Variants in BTD observed in about 807,000 individuals in gnomAD.
The protein encoded by BTD is biocytinase.
Under a neutral mutation model 17.7 loss-of-function variants are expected in BTD, and 13 were observed. That is an observed-to-expected ratio of 0.74 (90% CI 0.48 to 1.17). The LOEUF is 1.17. BTD is among the 50% of genes most tolerant of loss of function. The probability of loss-of-function intolerance (pLI) is 0.00; values close to 1 mark genes in which losing one functional copy is unlikely to be tolerated. For synonymous variants in BTD, 240 were observed against 245.2 expected (o/e 0.98, Z 0.20); for missense variants, 674 against 650.4 (o/e 1.04, Z -0.39).
downstream of BTD, among the ~76,000 whole-genome samples, chr3:15,716,997 T>A: frequency 6.6e-6 from 1 of 152,144 alleles, no homozygotes; most frequent in African/African-American, 2.4e-5. Context: ...CAAAACCAAA[T>A]CTACTTCATA....
intron 3 of BTD, chr3:15,684,894 TGGGA>T (rs942413083): frequency 1.2e-5 from 3 of 251,088 alleles, no homozygotes; most frequent in African/African-American, 6.9e-5. Flanking sequence ...GAGGCTGAGG[TGGGA>T]GGATCACTTG....
chr3:15,614,818 A>T (rs2125370194), intron 1 of BTD, among the ~76,000 whole-genome samples: 2 of 151,636 alleles, frequency 1.3e-5, no homozygotes. Context: ...GCTGGCCTCC[A>T]ACTCCTGGGC....
At position 15,660,409 on chromosome 3, in the gene BTD, G is replaced by A. The variant is rs114202045; in HGVS notation, c.399+18352G>A. ...AACTGACCTTTTCCACTTCTGATTCGACTCCAGACACAGGTCTAGTCTTGT... is the reference window on the plus strand; with the variant it reads ...AACTGACCTTTTCCACTTCTGATTCAACTCCAGACACAGGTCTAGTCTTGT... On this transcript the variant is annotated intron_variant, in intron 3 of 3. Coordinates refer to the BTD transcript ENST00000672141. Among the ~76,000 whole-genome samples the A allele has an allele frequency of 7.4e-3, 1,132 of 152,290 alleles. 21 individuals carry two copies. The highest frequency in any genetic ancestry group is 0.026 in the African/African-American group (1,063 of 41,556).
intron 4 of BTD, chr3:15,720,888 C>T (rs2124916806): frequency 2.5e-6 from 4 of 1,601,164 alleles, no homozygotes; most frequent in East Asian, 4.5e-5. Context: ...ATATGAAATA[C>T]TTATAGATTC....
chr3:15,650,954 G>C lies in BTD; in HGVS notation c.*5466G>C, dbSNP rs191416404. Among the ~76,000 whole-genome samples, 12 of 152,290 alleles carry C rather than the reference G, an allele frequency of 7.9e-5. No individual in the cohort carries two copies. The highest frequency in any genetic ancestry group is 1.6e-4 in the Non-Finnish European group (11 of 68,026). ...CCAGCTAATTTTTTGTATTTTTATA[G>C]AGACAGGGTTTCACCATGTTAGCCA... On this transcript the variant is annotated 3_prime_UTR_variant, in exon 4 of 4. Transcript: ENST00000643237.
Position 15,720,528 on chromosome 3 carries a change from T to C in BTD, c.1016-1242T>C, listed in dbSNP as rs73819144. 1.2e-3 allele frequency among the ~76,000 whole-genome samples: 190 copies of C among 152,316 alleles called. 2 individuals are homozygous for C. Among genetic ancestry groups the C allele is most frequent in the African/African-American group, 4.4e-3 (182 of 41,576 alleles). On this transcript the variant is annotated intron_variant, in intron 4 of 4. Coordinates refer to the BTD transcript ENST00000672427. ...AGAAAATTTATATGCTATGAAAGCA[T>C]ACAAATGAACCACCTTATCAGTTTT...
chr3:15,632,043 G>A (rs906185174), intron 1 of BTD, among the ~76,000 whole-genome samples: 23 of 152,048 alleles, frequency 1.5e-4, no homozygotes, highest in Admixed American at 2.6e-4. Flanking sequence ...TCTTGCACCC[G>A]CCCGTGAGGC....
At chr3:15,666,479 A>G (rs1458312924) in intron 3 of BTD, among the ~76,000 whole-genome samples, 1 of 152,236 alleles carries the variant, frequency 6.6e-6, no homozygotes, top group Non-Finnish European at 1.5e-5. Context: ...GTTAAGAGAT[A>G]ATTTATTTCA....
intron 3 of BTD, 44 bp downstream of exon 3, chr3:15,642,101 G>A (rs373093443): frequency 1.9e-6 from 3 of 1,611,438 alleles, no homozygotes; most frequent in Non-Finnish European, 2.5e-6. Flanking sequence ...GTACACAGAG[G>A]TGATCTAAGT....
intron 3 of BTD, chr3:15,676,707 C>T (rs771380700): frequency 3.2e-6 from 1 of 307,978 alleles, no homozygotes; most frequent in Non-Finnish European, 6.1e-6. Flanking sequence ...AATAGTACTA[C>T]TTTCCTTCAG....
At chr3:15,689,357 C>G (rs1305374195) in intron 3 of BTD, among the ~76,000 whole-genome samples, 1 of 152,172 alleles carries the variant, frequency 6.6e-6, no homozygotes, top group Non-Finnish European at 1.5e-5. Flanking sequence ...CAAAGAGTAA[C>G]CAGTAGGTGT....
At chr3:15,686,122 G>C in intron 3 of BTD, 1 of 1,611,706 alleles carries the variant, frequency 6.2e-7, no homozygotes, top group Non-Finnish European at 8.5e-7. Flanking sequence ...GAGGCGTCCT[G>C]AGCAACAACA....
At chr3:15,699,018 G>A (rs1256153478) in intron 3 of BTD, among the ~76,000 whole-genome samples, 2 of 152,136 alleles carry the variant, frequency 1.3e-5, no homozygotes, top group African/African-American at 2.4e-5. Context: ...AACCAAAACA[G>A]CATGGTACTG....
chr3:15,653,383 GA>G lies in BTD; in HGVS notation c.*7897del, dbSNP rs1316951390. 6.6e-6 allele frequency among the ~76,000 whole-genome samples: 1 copy of G among 152,246 alleles called. No homozygotes were observed. The highest frequency in any genetic ancestry group is 1.5e-5 in the Non-Finnish European group (1 of 68,052). On this transcript the variant is annotated 3_prime_UTR_variant, in exon 4 of 4. Coordinates refer to ENST00000643237, the MANE Select transcript of BTD (RefSeq NM_001370658.1). ...TTACAGAAGAAGGAACTAAGGCCTG[GA>G]AGGCAAGTCCTTGCCTGAGACTAAA...
Position 15,651,728 on chromosome 3 carries a change from G to A in BTD, c.*6240G>A, listed in dbSNP as rs2065808060. On this transcript the variant is annotated 3_prime_UTR_variant, in exon 4 of 4. Coordinates refer to ENST00000643237, the MANE Select transcript of BTD (RefSeq NM_001370658.1). ...GGTGCTATCTAGAAGTCAGTGTTGGGGAGGTCACAGAACAGAATGGAGAGG... is the reference window on the plus strand; with the variant it reads ...GGTGCTATCTAGAAGTCAGTGTTGGAGAGGTCACAGAACAGAATGGAGAGG... 6.6e-6 allele frequency among the ~76,000 whole-genome samples: 1 copy of A among 152,198 alleles called. No homozygotes were observed. Among genetic ancestry groups the A allele is most frequent in the Admixed American group, 6.5e-5 (1 of 15,280 alleles).
rs1227954709 is a variant in BTD, at chr3:15,651,693, G to T, written c.*6205G>T. On this transcript the variant is annotated 3_prime_UTR_variant, in exon 4 of 4. Transcript: ENST00000643237. Reference sequence around the variant, plus strand: ...CCCAACAGGAAAGCAGAGGATAAGAGAATCTGGTTGGTGCTATCTAGAAGT... The same window carrying T: ...CCCAACAGGAAAGCAGAGGATAAGATAATCTGGTTGGTGCTATCTAGAAGT... 6.6e-6 allele frequency among the ~76,000 whole-genome samples: 1 copy of T among 152,238 alleles called. No homozygotes were observed. The highest frequency in any genetic ancestry group is 6.5e-5 in the Admixed American group (1 of 15,286).
intron 3 of BTD, among the ~76,000 whole-genome samples, chr3:15,691,383 A>C (rs991728970): frequency 4.6e-5 from 7 of 152,158 alleles, no homozygotes; most frequent in Non-Finnish European, 7.3e-5. Flanking sequence ...TCGGCCTCCC[A>C]AAGTGCTGGG....
Position 15,696,759 on chromosome 3 carries a change from G to A in BTD, c.400-13301G>A, listed in dbSNP as rs1420973173. ...AGGACTAAGAAGAGGTATATAAACAGAGTAAAGTGGTAAGAAGGTATCCAT... is the reference window on the plus strand; with the variant it reads ...AGGACTAAGAAGAGGTATATAAACAAAGTAAAGTGGTAAGAAGGTATCCAT... On this transcript the variant is annotated intron_variant, in intron 3 of 3. Coordinates refer to the BTD transcript ENST00000672141. Among the ~76,000 whole-genome samples the A allele has an allele frequency of 6.6e-5, 10 of 152,106 alleles. 1 individual carries two copies. The highest frequency in any genetic ancestry group is 5.9e-4 in the Admixed American group (9 of 15,270).
rs2067942931 is a variant in BTD at position 15,684,961 on chromosome 3, TAAAAA to T, written c.400-25097_400-25093del. ...CAACATAGCAAGATCCTACCAAAAC[TAAAAA>T]AGAAAAGAAAAGAAAAGAAAAACCT... On this transcript the variant is annotated intron_variant, in intron 3 of 3. Transcript: ENST00000672141. The T allele has an allele frequency of 9.8e-6, 4 of 410,026 alleles. 1 individual carries two copies. In the South Asian group the frequency reaches 1.0e-4, roughly 11 times the overall value. The allele number at this position is 410,026 out of a possible 1,614,324, so 25.4% of individuals were successfully genotyped here. A position where few individuals can be genotyped will look rare whatever the true frequency, so the allele number is the denominator to read the frequency against.
Sources: gnomAD v4.1 joint callset for allele counts (sites outside exome capture counted in the v4.1 genomes callset) on GRCh38, gnomAD v4.1.1 for gene constraint, MANE v1.5 for transcripts, NCBI Gene and HGNC (gene_info 2026-07-23, HGNC 2026-07-21) for gene names.